Variants in RIN3 observed in about 807,000 individuals in gnomAD.
RIN3 encodes RAB5 interacting protein 3.
A neutral mutation model predicts 76.3 loss-of-function variants in RIN3; 54 were observed. The ratio of observed to expected loss-of-function variants is 0.71; its 90% CI spans 0.57 to 0.89. The LOEUF (loss-of-function observed/expected upper bound fraction) is 0.89. RIN3 is among the 40% of genes least tolerant of loss of function. The pLI is 0.00. For synonymous variants in RIN3, 576 were observed against 564.0 expected (o/e 1.02, Z -0.30); for missense variants, 1,256 against 1,322.1 (o/e 0.95, Z 0.78).
chr14:92,595,244 G>A (rs1230653453), intron 3 of RIN3, among the ~76,000 whole-genome samples: 1 of 152,224 alleles, frequency 6.6e-6, no homozygotes, highest in African/African-American at 2.4e-5. Context: ...AGGGTTGCAG[G>A]AATGGCATTG....
At chr14:92,590,843 C>G (rs1884954061) in intron 3 of RIN3, among the ~76,000 whole-genome samples, 2 of 152,294 alleles carry the variant, frequency 1.3e-5, no homozygotes, top group African/African-American at 4.8e-5. Flanking sequence ...ATTTAGAACT[C>G]TCCCCCTCCC....
chr14:92,545,995 G>T (rs182262350), intron 1 of RIN3, among the ~76,000 whole-genome samples: 6 of 151,222 alleles, frequency 4.0e-5, no homozygotes. Flanking sequence ...GCATGATCTC[G>T]GCTCACTGCA....
intron 1 of RIN3, among the ~76,000 whole-genome samples, chr14:92,537,232 C>T (rs1399853125): frequency 1.3e-5 from 2 of 152,154 alleles, no homozygotes; most frequent in South Asian, 2.1e-4. Flanking sequence ...CACTTAGTGA[C>T]TGGGTTGTTT....
At chr14:92,678,186 C>T (rs1888537594) in intron 8 of RIN3, among the ~76,000 whole-genome samples, 1 of 150,090 alleles carries the variant, frequency 6.7e-6, no homozygotes, top group Non-Finnish European at 1.5e-5. Flanking sequence ...ACCCATTCAC[C>T]CATCCATCCA....
intron 1 of RIN3, among the ~76,000 whole-genome samples, chr14:92,534,732 C>G (rs10148718): frequency 0.023 from 3,456 of 152,086 alleles, 135 homozygotes; most frequent in African/African-American, 0.08. Flanking sequence ...GGGGTCTCTG[C>G]TGGTCTTCTC....
intron 5 of RIN3, among the ~76,000 whole-genome samples, chr14:92,646,371 C>G (rs967880911): frequency 3.3e-5 from 5 of 152,142 alleles, no homozygotes; most frequent in African/African-American, 9.7e-5. Context: ...TCCACATGCC[C>G]GCCATGTGCT....
At chr14:92,523,243 T>C (rs1302300095) in intron 1 of RIN3, among the ~76,000 whole-genome samples, 1 of 152,168 alleles carries the variant, frequency 6.6e-6, no homozygotes, top group Non-Finnish European at 1.5e-5. Context: ...TCCGAGTAGC[T>C]GGGATTACAG....
chr14:92,683,256 A>C (rs1888732295), intron 8 of RIN3, among the ~76,000 whole-genome samples: 1 of 152,094 alleles, frequency 6.6e-6, no homozygotes. Flanking sequence ...CCAAGGAAGC[A>C]CCATGGAGGT....
intron 5 of RIN3, among the ~76,000 whole-genome samples, chr14:92,646,335 T>G (rs1887199905): frequency 6.6e-6 from 1 of 152,202 alleles, no homozygotes; most frequent in Non-Finnish European, 1.5e-5. Flanking sequence ...GGCAGGGTAG[T>G]GGGCCCCACC....
chr14:92,633,085 C>T (rs1289859261), intron 4 of RIN3, among the ~76,000 whole-genome samples: 2 of 152,134 alleles, frequency 1.3e-5, no homozygotes, highest in Non-Finnish European at 2.9e-5. Flanking sequence ...TGGCCCTATG[C>T]GGAGGTGACT....
chr14:92,608,062 G>A (rs957691650), intron 3 of RIN3, among the ~76,000 whole-genome samples: 10 of 152,200 alleles, frequency 6.6e-5, no homozygotes, highest in African/African-American at 2.4e-4. Flanking sequence ...GGAGCTCTGT[G>A]GTGTTGGATG....
intron 1 of RIN3, among the ~76,000 whole-genome samples, chr14:92,553,845 T>C (rs1411352638): frequency 6.6e-6 from 1 of 152,124 alleles, no homozygotes; most frequent in Non-Finnish European, 1.5e-5. Context: ...CCCTGTTTAA[T>C]ACAGCGCTGC....
intron 7 of RIN3, among the ~76,000 whole-genome samples, chr14:92,668,492 A>G (rs751863063): frequency 6.6e-5 from 10 of 152,186 alleles, no homozygotes; most frequent in Non-Finnish European, 1.5e-4. Flanking sequence ...CCTCAGGGAC[A>G]CAGTGTAGCT....
chr14:92,628,696 G>T (rs1170149727), intron 4 of RIN3, among the ~76,000 whole-genome samples: 1 of 152,214 alleles, frequency 6.6e-6, no homozygotes, highest in Non-Finnish European at 1.5e-5. Flanking sequence ...GAGAAGGGAA[G>T]AATTTAGCAT....
chr14:92,631,324 G>A (rs371731689), intron 4 of RIN3, among the ~76,000 whole-genome samples: 1 of 152,190 alleles, frequency 6.6e-6, no homozygotes, highest in Non-Finnish European at 1.5e-5. Flanking sequence ...CCCAGAGCAG[G>A]ACGCCCCCAT....
Position 92,652,693 on chromosome 14 carries a change from C to T in RIN3, c.1644C>T (p.Asp548=), listed in dbSNP as rs139153510. The T allele has an allele frequency of 1.9e-6, 3 of 1,613,280 alleles. No individual in the cohort carries two copies. The African/African-American group carries it at 4.0e-5, about 22-fold the overall frequency. ...LGVSVMATDQ[D]SYSTSSTEEE... ...TGTCTGTCATGGCCACCGACCAGGA[C>T]TCCTACTCCACCAGCAGCACGGAGG... Residue 548 remains aspartate, a synonymous_variant, in exon 6 of 10, where the codon GAC becomes GAT. Coordinates refer to ENST00000216487, the MANE Select transcript of RIN3 (RefSeq NM_024832.5). The surrounding 1 kb of genome is among the most constrained non-coding windows in gnomAD (Gnocchi z 6.4).
intron 2 of RIN3, among the ~76,000 whole-genome samples, chr14:92,570,860 A>G (rs927966635): frequency 6.6e-6 from 1 of 152,234 alleles, no homozygotes; most frequent in Admixed American, 6.5e-5. Flanking sequence ...AGACCACTGC[A>G]TGCCCCAGTG....
rs1295277399 is a variant in RIN3, at chr14:92,568,791, A to T, written c.250-8569A>T. 2.0e-5 allele frequency among the ~76,000 whole-genome samples: 3 copies of T among 152,232 alleles called. No homozygotes were observed. Among genetic ancestry groups the T allele is most frequent in the Non-Finnish European group, 4.4e-5 (3 of 68,034 alleles). On this transcript the variant is annotated intron_variant, in intron 2 of 9. Coordinates refer to ENST00000216487, the MANE Select transcript of RIN3 (RefSeq NM_024832.5). This position sits in a 1 kb window ranked among gnomAD's most constrained non-coding sequence, Gnocchi z 4.2. ...TTAGTCAGAAGACAAGAGCCACATG[A>T]GAGCCCTGTGGCCATGCTGAAAGGG...
chr14:92,650,007 G>A (rs1457370368), intron 5 of RIN3, among the ~76,000 whole-genome samples: 2 of 152,186 alleles, frequency 1.3e-5, no homozygotes, highest in African/African-American at 4.8e-5. Flanking sequence ...CCAGCAAGAT[G>A]GCAAATGCCT....
Sources: gnomAD v4.1 joint callset for allele counts (sites outside exome capture counted in the v4.1 genomes callset) on GRCh38, gnomAD v4.1.1 for gene constraint, Gnocchi (gnomAD v3.1) non-coding constraint, MANE v1.5 for transcripts, NCBI Gene and HGNC (gene_info 2026-07-23, HGNC 2026-07-21) for gene names.